ARHGAP32: variants seen among roughly 807,000 people sequenced by gnomAD.
The protein encoded by ARHGAP32 is Rho GTPase activating protein 32.
Under a neutral mutation model 186.5 loss-of-function variants are expected in ARHGAP32, and 51 were observed. The observed-to-expected ratio is 0.27, with a 90% confidence interval of 0.22 to 0.35. The LOEUF (loss-of-function observed/expected upper bound fraction) is 0.35. Ranked by LOEUF, ARHGAP32 falls within the 10% of genes least tolerant of loss-of-function variation. ARHGAP32 has a pLI of 1.00. For missense variants in ARHGAP32, 2,186 were observed against 2,623.5 expected (o/e 0.83, Z 3.64); for synonymous variants, 950 against 964.3 (o/e 0.99, Z 0.27).
chr11:128,995,115 T>C (rs1946161637), intron 12 of ARHGAP32, among the ~76,000 whole-genome samples: 1 of 152,244 alleles, frequency 6.6e-6, no homozygotes, highest in Non-Finnish European at 1.5e-5. Flanking sequence ...ATTATATTCA[T>C]TTCTCATATC....
At chr11:129,137,422 C>CA (rs1486570222) in intron 2 of ARHGAP32, among the ~76,000 whole-genome samples, 1 of 151,486 alleles carries the variant, frequency 6.6e-6, no homozygotes, top group African/African-American at 2.4e-5. Context: ...TCCCTAAGAT[C>CA]AAAAAACAAA....
chr11:129,150,165 G>A lies in ARHGAP32; in HGVS notation c.225+14154C>T, dbSNP rs543914369. Among the ~76,000 whole-genome samples the A allele has an allele frequency of 2.3e-4, 34 of 150,354 alleles. 1 individual carries two copies. In the South Asian group the frequency reaches 6.3e-3, roughly 28 times the overall value. On this transcript the variant is annotated intron_variant, in intron 2 of 22. Transcript: ENST00000682385. The stretch of plus-strand genomic sequence containing the variant: ...ATGAACAGAGCCTCCAAGAAATTAG[G>A]GATTATGTTAAATGGCCAAACCTAA...
At chr11:128,973,919 T>A in intron 21 of ARHGAP32, 1 of 599,368 alleles carries the variant, frequency 1.7e-6, no homozygotes, top group Non-Finnish European at 2.8e-6. Context: ...TTGTGAAGAT[T>A]TGAAGCAGGA....
intron 1 of ARHGAP32, among the ~76,000 whole-genome samples, chr11:129,210,552 C>G (rs148323071): frequency 2.4e-4 from 36 of 152,204 alleles, no homozygotes; most frequent in Middle Eastern, 3.4e-3. Flanking sequence ...AAATTATTAC[C>G]CAGTCCAAAG....
intron 1 of ARHGAP32, among the ~76,000 whole-genome samples, chr11:129,278,820 T>A (rs1312230815): frequency 6.7e-6 from 1 of 149,522 alleles, no homozygotes; most frequent in Non-Finnish European, 1.5e-5. Context: ...CTCCCAGGAG[T>A]CGCGGCTGCC....
At chr11:129,016,810 C>T (rs1445269583) in intron 11 of ARHGAP32, among the ~76,000 whole-genome samples, 1 of 152,184 alleles carries the variant, frequency 6.6e-6, no homozygotes, top group Non-Finnish European at 1.5e-5. Context: ...GGAGGACAGA[C>T]TTCTTTATGA....
intron 2 of ARHGAP32, among the ~76,000 whole-genome samples, chr11:129,149,181 A>G (rs1032629868): frequency 6.6e-6 from 1 of 152,200 alleles, no homozygotes; most frequent in African/African-American, 2.4e-5. Context: ...CTGGAGGCCA[A>G]TCTACTTGGG....
Position 128,986,452 on chromosome 11 carries a change from A to ATTTG in ARHGAP32, c.1443+71_1443+72insCAAA. 2.6e-6 allele frequency: 4 copies of ATTTG among 1,530,716 alleles called. 1 individual carries two copies. The South Asian group carries it at 4.6e-5, about 18-fold the overall frequency. The allele number at this position is 1,530,716 out of a possible 1,614,324, so 94.8% of individuals were successfully genotyped here. On this transcript the variant is annotated intron_variant, in intron 14 of 22. Transcript: ENST00000682385. ...TATTTCTTACATGTGACCAAACCAAAGTTCATGTGTTTTGAACAAAAGCAC... is the reference window on the plus strand; with the variant it reads ...TATTTCTTACATGTGACCAAACCAAATTTGGTTCATGTGTTTTGAACAAAAGCAC...
chr11:129,091,519 A>C (rs947084764), intron 6 of ARHGAP32, among the ~76,000 whole-genome samples: 1 of 152,166 alleles, frequency 6.6e-6, no homozygotes, highest in African/African-American at 2.4e-5. Flanking sequence ...ATAAGCTAAC[A>C]GAATAAGAGA....
At chr11:129,023,705 G>C (rs1454628710) in intron 11 of ARHGAP32, among the ~76,000 whole-genome samples, 1 of 152,128 alleles carries the variant, frequency 6.6e-6, no homozygotes, top group Admixed American at 6.5e-5. Context: ...TAATGTTCAA[G>C]TGCTGAATTT....
At chr11:129,091,055 C>T (rs1026043618) in intron 6 of ARHGAP32, among the ~76,000 whole-genome samples, 3 of 152,034 alleles carry the variant, frequency 2.0e-5, no homozygotes, top group African/African-American at 7.2e-5. Flanking sequence ...ATCTGCAGCA[C>T]GACATGTAAT....
chr11:129,192,781 A>G (rs1181603438), upstream of ARHGAP32, among the ~76,000 whole-genome samples: 5 of 152,176 alleles, frequency 3.3e-5, no homozygotes, highest in Admixed American at 3.3e-4. Context: ...GGACTGCCAT[A>G]TGCATCTCTG....
intron 1 of ARHGAP32, among the ~76,000 whole-genome samples, chr11:129,252,663 A>AAAGCATGAATTTGCG (rs1945200950): frequency 6.6e-6 from 1 of 152,032 alleles, no homozygotes; most frequent in Non-Finnish European, 1.5e-5. Flanking sequence ...GTGAATTTGC[A>AAAGCATGAATTTGCG]TTAAAGCAAG....
chr11:129,048,381 GC>G (rs1939899001), intron 10 of ARHGAP32, among the ~76,000 whole-genome samples: 1 of 152,150 alleles, frequency 6.6e-6, no homozygotes, highest in South Asian at 2.1e-4. Flanking sequence ...GGGTGTCCTG[GC>G]AAAGGAGACT....
chr11:129,112,709 T>C (rs10893977), intron 5 of ARHGAP32, among the ~76,000 whole-genome samples: 29,618 of 152,108 alleles, frequency 0.19, 3,085 homozygotes, highest in Non-Finnish European at 0.23. Context: ...AAACCATCCT[T>C]TGCTGGCATT....
intron 11 of ARHGAP32, among the ~76,000 whole-genome samples, chr11:129,008,465 C>A (rs1937903856): frequency 6.6e-6 from 1 of 152,156 alleles, no homozygotes; most frequent in South Asian, 2.1e-4. Context: ...CCATCCATTT[C>A]TTTTCATTTT....
chr11:129,245,983 A>G (rs1243804433), intron 1 of ARHGAP32, among the ~76,000 whole-genome samples: 1 of 152,232 alleles, frequency 6.6e-6, no homozygotes, highest in Non-Finnish European at 1.5e-5. Context: ...TAAACCTTTG[A>G]TAATATTTGA....
chr11:129,145,273 G>A (rs1943145278), intron 2 of ARHGAP32, among the ~76,000 whole-genome samples: 1 of 149,464 alleles, frequency 6.7e-6, no homozygotes, highest in Admixed American at 6.7e-5. Flanking sequence ...CTTGAATTCT[G>A]TGTACATTAG....
At chr11:129,136,814 A>G (rs913206607) in intron 2 of ARHGAP32, among the ~76,000 whole-genome samples, 18 of 152,112 alleles carry the variant, frequency 1.2e-4, no homozygotes, top group African/African-American at 4.1e-4. Context: ...AGAACTACCT[A>G]GCAAGACTTC....
Sources: gnomAD v4.1 joint callset for allele counts (sites outside exome capture counted in the v4.1 genomes callset) on GRCh38, gnomAD v4.1.1 for gene constraint, MANE v1.5 for transcripts, NCBI Gene and HGNC (gene_info 2026-07-23, HGNC 2026-07-21) for gene names.